The following TMEM132B variants were observed in gnomAD, a reference collection of about 807,000 sequenced individuals.
The protein encoded by TMEM132B is transmembrane protein 132B.
TMEM132B carries 18 observed loss-of-function variants against 90.8 expected under a neutral mutation model. The ratio of observed to expected loss-of-function variants is 0.20; its 90% CI spans 0.14 to 0.29. The LOEUF is 0.29. Among genes scored for constraint, TMEM132B ranks in the 10% least tolerant of loss-of-function variants. The pLI is 1.00. For missense variants in TMEM132B, 1,096 were observed against 1,326.8 expected (o/e 0.83, Z 2.70); for synonymous variants, 504 against 523.3 (o/e 0.96, Z 0.50).
chr12:125,589,395 T>G (rs1187693409), intron 5 of TMEM132B, among the ~76,000 whole-genome samples: 1 of 134,408 alleles, frequency 7.4e-6, no homozygotes, highest in Non-Finnish European at 1.5e-5. Flanking sequence ...GGCAGGAGAA[T>G]GGCGTGAACC....
chr12:125,271,753 TAATATATTACCTTTTTA>T (rs1874841872), intron 1 of TMEM132B, among the ~76,000 whole-genome samples: 1 of 152,022 alleles, frequency 6.6e-6, no homozygotes, highest in African/African-American at 2.4e-5. Context: ...TCATTACCTT[TAATATATTACCTTTTTA>T]AATATATTAC....
chr12:125,511,588 C>T (rs1235544185), intron 3 of TMEM132B, among the ~76,000 whole-genome samples: 1 of 152,014 alleles, frequency 6.6e-6, no homozygotes, highest in African/African-American at 2.4e-5. Flanking sequence ...CGGTGGCTCA[C>T]GCCTGTAATC....
intron 1 of TMEM132B, among the ~76,000 whole-genome samples, chr12:125,312,558 C>A (rs1876148082): frequency 6.6e-6 from 1 of 152,216 alleles, no homozygotes; most frequent in African/African-American, 2.4e-5. Flanking sequence ...TCTGGAGAGA[C>A]CCAGGCTGAG....
At chr12:125,416,537 G>A (rs1359255362) in intron 3 of TMEM132B, among the ~76,000 whole-genome samples, 1 of 152,254 alleles carries the variant, frequency 6.6e-6, no homozygotes, top group East Asian at 1.9e-4. Context: ...AGGAATGGCG[G>A]AGGCCTTCTG....
chr12:125,312,024 A>G (rs1210001389), intron 1 of TMEM132B, among the ~76,000 whole-genome samples: 2 of 152,156 alleles, frequency 1.3e-5, no homozygotes, highest in East Asian at 3.9e-4. Context: ...AGTGGTGGGG[A>G]CTGTGGCAAA....
intron 4 of TMEM132B, among the ~76,000 whole-genome samples, chr12:125,538,153 A>G (rs947881809): frequency 6.6e-6 from 1 of 152,060 alleles, no homozygotes; most frequent in Non-Finnish European, 1.5e-5. Flanking sequence ...TTAAGGTCAC[A>G]CTCTCAGGGA....
At chr12:125,584,284 T>C (rs797003784) in intron 5 of TMEM132B, 17 of 384,462 alleles carry the variant, frequency 4.4e-5, no homozygotes, top group African/African-American at 3.3e-4. Flanking sequence ...TTCTTCTCTC[T>C]ATCTTTCCTC....
At chr12:125,214,668 C>G (rs1363217698) in intron 1 of TMEM132B, among the ~76,000 whole-genome samples, 1 of 152,186 alleles carries the variant, frequency 6.6e-6, no homozygotes, top group Non-Finnish European at 1.5e-5. Flanking sequence ...CAACACGTGC[C>G]CACTCTAGCA....
At chr12:125,282,007 A>G (rs976156483) in intron 1 of TMEM132B, among the ~76,000 whole-genome samples, 6 of 128,172 alleles carry the variant, frequency 4.7e-5, no homozygotes, top group Admixed American at 9.0e-5. Context: ...CAGCCTGGCC[A>G]ACACAGGGAG....
At chr12:125,389,161 T>C (rs1403874666) in intron 2 of TMEM132B, among the ~76,000 whole-genome samples, 1 of 152,098 alleles carries the variant, frequency 6.6e-6, no homozygotes. Context: ...TAGCTGGAGA[T>C]ACAAACAATA....
At chr12:125,382,215 T>G (rs1014422647) in intron 2 of TMEM132B, among the ~76,000 whole-genome samples, 2 of 152,246 alleles carry the variant, frequency 1.3e-5, no homozygotes, top group East Asian at 1.9e-4. Context: ...GTGCACCCAG[T>G]ATCTCCAGGC....
chr12:125,581,232 G>T (rs1885046336), intron 4 of TMEM132B, among the ~76,000 whole-genome samples: 2 of 152,150 alleles, frequency 1.3e-5, no homozygotes, highest in Non-Finnish European at 2.9e-5. Context: ...GGAGATTGAT[G>T]TTTAACCTTT....
rs1389043545 is a variant in TMEM132B, at chr12:125,251,704, A to G, written c.67+64838A>G. The stretch of plus-strand genomic sequence containing the variant: ...ACCATGTTCCCCAGATGAAGGGGAC[A>G]GTGGTAACTCAGTTCTAGTTTATTG... On this transcript the variant is annotated intron_variant, in intron 1 of 8. Coordinates refer to ENST00000682704, the MANE Select transcript of TMEM132B (RefSeq NM_001366854.1). The surrounding 1 kb of genome is among the most constrained non-coding windows in gnomAD (Gnocchi z 4.4). Among the ~76,000 whole-genome samples the G allele has an allele frequency of 6.6e-6, 1 of 152,200 alleles. No homozygotes were observed. The highest frequency in any genetic ancestry group is 1.5e-5 in the Non-Finnish European group (1 of 68,026).
rs1242876735 is a variant in TMEM132B, at chr12:125,349,230, G to T, written c.68-222G>T. Among the ~76,000 whole-genome samples the T allele has an allele frequency of 6.6e-6, 1 of 150,842 alleles. No homozygotes were observed. Among genetic ancestry groups the T allele is most frequent in the East Asian group, 2.0e-4 (1 of 5,102 alleles). ...TAACTGTTCACCCCCAAGACTATTG[G>T]ATCAGTGGTAAATGGGGTTCCTCCC... is the stretch of plus-strand genomic sequence containing the variant. On this transcript the variant is annotated intron_variant, in intron 1 of 8. Coordinates refer to ENST00000682704, the MANE Select transcript of TMEM132B (RefSeq NM_001366854.1). The surrounding 1 kb of genome is among the most constrained non-coding windows in gnomAD (Gnocchi z 4.1).
chr12:125,435,936 G>A (rs376305861), intron 3 of TMEM132B, among the ~76,000 whole-genome samples: 1 of 152,076 alleles, frequency 6.6e-6, no homozygotes. Flanking sequence ...AGAGGGTCTC[G>A]GTGCTGATGT....
chr12:125,505,578 A>G (rs1184568470), intron 3 of TMEM132B, among the ~76,000 whole-genome samples: 1 of 152,020 alleles, frequency 6.6e-6, no homozygotes, highest in Non-Finnish European at 1.5e-5. Context: ...GCATGCCTGT[A>G]ATCCCAGCTA....
In TMEM132B at chr12:125,653,651, T is replaced by A; in HGVS notation, c.2193T>A (p.Thr731=). The A allele has an allele frequency of 6.2e-7, 1 of 1,614,250 alleles. No individual in the cohort carries two copies. Residue 731 remains threonine, a synonymous_variant, in exon 9 of 9, where the codon ACT becomes ACA. Coordinates refer to ENST00000682704, the MANE Select transcript of TMEM132B (RefSeq NM_001366854.1). The part of the protein sequence containing the change: ...DIYDPKDYSV[T]VSSLDEMVVS... ...ACGATCCTAAGGATTATTCTGTTAC[T>A]GTCTCATCATTGGATGAAATGGTGG...
At chr12:125,651,472 T>A (rs1235738441) in intron 7 of TMEM132B, among the ~76,000 whole-genome samples, 1 of 152,224 alleles carries the variant, frequency 6.6e-6, no homozygotes, top group African/African-American at 2.4e-5. Flanking sequence ...TATGCAGAAA[T>A]GGTGCAGAAT....
chr12:125,230,335 A>G (rs948986140), intron 1 of TMEM132B, among the ~76,000 whole-genome samples: 4 of 152,000 alleles, frequency 2.6e-5, no homozygotes, highest in African/African-American at 7.3e-5. Flanking sequence ...GAAGCGGTGG[A>G]GCAATGCTGC....
Sources: gnomAD v4.1 joint callset for allele counts (sites outside exome capture counted in the v4.1 genomes callset) on GRCh38, gnomAD v4.1.1 for gene constraint, Gnocchi (gnomAD v3.1) non-coding constraint, MANE v1.5 for transcripts, NCBI Gene and HGNC (gene_info 2026-07-23, HGNC 2026-07-21) for gene names.